The following OCA2 variants were observed in gnomAD, a reference collection of about 807,000 sequenced individuals.
OCA2 encodes OCA2 melanosomal transmembrane protein.
In OCA2, 77 loss-of-function variants were observed where a neutral mutation model predicts 100.2. The observed-to-expected ratio is 0.77, with a 90% CI of 0.64 to 0.93. The LOEUF (loss-of-function observed/expected upper bound fraction) is 0.93, where lower values mean the gene tolerates loss of function less well. OCA2 is among the 40% of genes least tolerant of loss of function. OCA2 has a pLI of 0.00. For synonymous variants in OCA2, 432 were observed against 439.2 expected (o/e 0.98, Z 0.21); for missense variants, 1,062 against 1,089.1 (o/e 0.98, Z 0.35).
At chr15:28,015,831 C>T (rs929225476) in intron 8 of OCA2, among the ~76,000 whole-genome samples, 1 of 152,210 alleles carries the variant, frequency 6.6e-6, no homozygotes, top group Non-Finnish European at 1.5e-5. Flanking sequence ...CTCCATTGTA[C>T]AGCTTCACAT....
At chr15:27,987,077 A>G (rs1236496626) in intron 11 of OCA2, among the ~76,000 whole-genome samples, 1 of 152,202 alleles carries the variant, frequency 6.6e-6, no homozygotes, top group Non-Finnish European at 1.5e-5. Flanking sequence ...TAAACATTCT[A>G]TGATGCTAAA....
intron 19 of OCA2, among the ~76,000 whole-genome samples, chr15:27,884,577 G>A (rs16950486): frequency 0.055 from 8,415 of 152,000 alleles, 796 homozygotes; most frequent in African/African-American, 0.19. Context: ...GACCACTCTC[G>A]TTCTAAAAAT....
chr15:28,010,784 C>A lies in OCA2; in HGVS notation c.1044+3992G>T, dbSNP rs143835254. ...CACCACATGAAAAAGCAACTGAAGT[C>A]CTAGAAAATAGAAATGTAACTTTAT... On this transcript the variant is annotated intron_variant, in intron 9 of 23. Coordinates refer to ENST00000354638, the MANE Select transcript of OCA2 (RefSeq NM_000275.3). 9.2e-3 allele frequency among the ~76,000 whole-genome samples: 1,396 copies of A among 152,140 alleles called. 28 individuals carry two copies. The highest frequency in any genetic ancestry group is 0.028 in the African/African-American group (1,166 of 41,512).
the OCA2 span, among the ~76,000 whole-genome samples, chr15:27,743,602 A>G: frequency 6.0e-4 from 91 of 152,288 alleles, no homozygotes; most frequent in Admixed American, 1.9e-3. Context: ...TGTCAGGCCC[A>G]GAAACACGGT....
intron 23 of OCA2, among the ~76,000 whole-genome samples, chr15:27,779,970 T>C (rs2151084448): frequency 6.6e-6 from 1 of 152,284 alleles, no homozygotes; most frequent in Admixed American, 6.5e-5. Flanking sequence ...TATTGTACAC[T>C]CAAAAATCTA....
At chr15:28,014,623 C>T (rs768226045) in intron 9 of OCA2, among the ~76,000 whole-genome samples, 153 bp downstream of exon 9, 7 of 152,166 alleles carry the variant, frequency 4.6e-5, no homozygotes, top group Non-Finnish European at 1.0e-4. Flanking sequence ...TCCCTTTCTA[C>T]CTAGAGAGAG....
At chr15:27,985,695 A>ATTTT (rs397958352) in intron 12 of OCA2, among the ~76,000 whole-genome samples, 2 of 145,390 alleles carry the variant, frequency 1.4e-5, no homozygotes, top group African/African-American at 5.0e-5. Context: ...TTGTTGAGTA[A>ATTTT]TTTTTTTTTT....
At chr15:28,092,522 T>A (rs1352708338) in intron 1 of OCA2, among the ~76,000 whole-genome samples, 5 of 152,070 alleles carry the variant, frequency 3.3e-5, no homozygotes, top group Non-Finnish European at 7.4e-5. Context: ...CTCAGCTAAT[T>A]TTTTATTTTT....
Position 27,814,656 on chromosome 15 carries a change from T to A in OCA2, c.2432+30303A>T, listed in dbSNP as rs144791203. Among the ~76,000 whole-genome samples, 786 of 152,252 alleles carry A rather than the reference T, an allele frequency of 5.2e-3. 11 individuals are homozygous for A. Among genetic ancestry groups the A allele is most frequent in the African/African-American group, 0.018 (739 of 41,538 alleles). ...ACATTGGGAGGCCGAGGCAGGCAGA[T>A]CCCTTGAGGTCAGGAGCTCGAGACC... On this transcript the variant is annotated intron_variant, in intron 23 of 23. Transcript: ENST00000354638.
chr15:28,082,846 C>T (rs1057269478), intron 1 of OCA2, among the ~76,000 whole-genome samples: 1 of 151,540 alleles, frequency 6.6e-6, no homozygotes, highest in African/African-American at 2.4e-5. Context: ...TATAATAATA[C>T]CTACAATAAA....
At chr15:27,730,780 T>A in the OCA2 span, among the ~76,000 whole-genome samples, 1 of 123,252 alleles carries the variant, frequency 8.1e-6, no homozygotes, top group Non-Finnish European at 1.7e-5. Context: ...TATATATATG[T>A]TTTTTTTTCA....
Position 28,081,731 on chromosome 15 carries a change from C to T in OCA2, c.144G>A (p.Ser48=), listed in dbSNP as rs374819923. 3.0e-4 allele frequency: 485 copies of T among 1,613,566 alleles called. 5 individuals are homozygous for T. In the Admixed American group the frequency reaches 6.9e-3, roughly 23 times the overall value. Residue 48 remains serine (S), a synonymous_variant, in exon 2 of 24, where the codon TCG becomes TCA. Coordinates refer to ENST00000354638, the MANE Select transcript of OCA2 (RefSeq NM_000275.3). The part of the protein sequence containing the change: ...LPRGAGGADP[S]HSCPRGAAGQ... ...CGGCAGCCCCCCTGGGGCAGGAGTGCGAGGGGTCAGCTCCACCGGCTCCCC... is the reference window on the plus strand; with the variant it reads ...CGGCAGCCCCCCTGGGGCAGGAGTGTGAGGGGTCAGCTCCACCGGCTCCCC...
chr15:28,027,778 C>T, intron 4 of OCA2, 93 bp downstream of exon 4: 1 of 1,331,702 alleles, frequency 7.5e-7, no homozygotes, highest in Non-Finnish European at 1.1e-6. Flanking sequence ...TCATCCTCTT[C>T]TTCACGCTGC....
intron 6 of OCA2, among the ~76,000 whole-genome samples, chr15:28,018,898 G>A (rs376612735): frequency 3.3e-5 from 5 of 152,154 alleles, no homozygotes; most frequent in East Asian, 3.9e-4. Context: ...CGTTTCCTGC[G>A]CTTGCTCATG....
chr15:27,956,179 G>A (rs548281345), intron 16 of OCA2, among the ~76,000 whole-genome samples: 3 of 152,092 alleles, frequency 2.0e-5, no homozygotes, highest in African/African-American at 7.2e-5. Context: ...GAGAAACCCC[G>A]TCTCTACTAA....
At chr15:27,748,212 A>G in the OCA2 span, among the ~76,000 whole-genome samples, 1 of 152,140 alleles carries the variant, frequency 6.6e-6, no homozygotes, top group Non-Finnish European at 1.5e-5. Context: ...TCCCTTCCCC[A>G]ACCCAGACAC....
intron 9 of OCA2, among the ~76,000 whole-genome samples, chr15:27,994,210 T>C (rs1256095280): frequency 1.3e-5 from 2 of 152,120 alleles, no homozygotes; most frequent in African/African-American, 4.8e-5. Flanking sequence ...CAGATTCTCA[T>C]AGGAGCGTGA....
chr15:28,070,567 C>A (rs1391634022), intron 2 of OCA2, among the ~76,000 whole-genome samples: 1 of 143,988 alleles, frequency 6.9e-6, no homozygotes, highest in Non-Finnish European at 1.5e-5. Context: ...CCCGGCCAGC[C>A]GCCCCGTCTG....
chr15:27,770,969 C>CCCTCTTTT (rs2031772003), intron 23 of OCA2, among the ~76,000 whole-genome samples: 4 of 53,916 alleles, frequency 7.4e-5, no homozygotes, highest in Non-Finnish European at 1.5e-4. Flanking sequence ...CTTCCTCCCT[C>CCCTCTTTT]CCTTCCTTTC....
Sources: gnomAD v4.1 joint callset for allele counts (sites outside exome capture counted in the v4.1 genomes callset) on GRCh38, gnomAD v4.1.1 for gene constraint, MANE v1.5 for transcripts, NCBI Gene and HGNC (gene_info 2026-07-23, HGNC 2026-07-21) for gene names.